The following GARIN1B variants were observed in gnomAD, a reference collection of about 807,000 sequenced individuals.
The protein encoded by GARIN1B is Golgi-associated RAB2 interactor protein 1B.
chr7:128,715,703 G>A, the GARIN1B span: 1 of 1,602,212 alleles, frequency 6.2e-7, no homozygotes, highest in Non-Finnish European at 8.6e-7. Flanking sequence ...ATTCTTGGGT[G>A]GCGCAGAATA....
the GARIN1B span, chr7:128,713,863 G>T: frequency 9.9e-6 from 8 of 807,842 alleles, no homozygotes; most frequent in Non-Finnish European, 9.6e-6. Flanking sequence ...CTTTAACTGT[G>T]AACAGCAACG....
chr7:128,713,138 C>T, the GARIN1B span, among the ~76,000 whole-genome samples: 2 of 151,984 alleles, frequency 1.3e-5, no homozygotes, highest in Non-Finnish European at 2.9e-5. Flanking sequence ...GAAACCCCAT[C>T]TCTACTAAAA....
At chr7:128,714,336 G>A in the GARIN1B span, among the ~76,000 whole-genome samples, 1 of 152,120 alleles carries the variant, frequency 6.6e-6, no homozygotes, top group Admixed American at 6.6e-5. Flanking sequence ...CAGCACTTTG[G>A]GAGGTCGAGG....
the GARIN1B span, chr7:128,726,751 C>T: frequency 6.5e-7 from 1 of 1,537,184 alleles, no homozygotes; most frequent in Admixed American, 1.7e-5. Context: ...AACTTTGGAA[C>T]AAGATCTGAA....
At chr7:128,714,492 C>T in the GARIN1B span, among the ~76,000 whole-genome samples, 1 of 151,876 alleles carries the variant, frequency 6.6e-6, no homozygotes, top group African/African-American at 2.4e-5. Context: ...GCAGGAGAAT[C>T]GCTTGAACTC....
the GARIN1B span, chr7:128,726,827 G>A: frequency 6.2e-7 from 1 of 1,613,970 alleles, no homozygotes; most frequent in South Asian, 1.1e-5. Context: ...AATGGCTCGA[G>A]TTTCAGGAGC....
At chr7:128,716,898 C>G in the GARIN1B span, 1 of 1,613,956 alleles carries the variant, frequency 6.2e-7, no homozygotes, top group Non-Finnish European at 8.5e-7. Flanking sequence ...CCCTGCCTGC[C>G]CCTCCCCAAC....
At chr7:128,719,003 A>G in the GARIN1B span, 32 of 1,614,080 alleles carry the variant, frequency 2.0e-5, no homozygotes, top group African/African-American at 2.7e-5. Flanking sequence ...GGGGCTGTCC[A>G]TCACCACCAA....
At chr7:128,723,187 C>T in the GARIN1B span, 4 of 1,595,800 alleles carry the variant, frequency 2.5e-6, no homozygotes, top group Non-Finnish European at 2.6e-6. Context: ...TGCTTTTTTT[C>T]TTCATATAGT....
chr7:128,711,985 G>A, the GARIN1B span, among the ~76,000 whole-genome samples: 1 of 152,152 alleles, frequency 6.6e-6, no homozygotes, highest in Non-Finnish European at 1.5e-5. Flanking sequence ...AGGTTGCAGT[G>A]AGCCAAGACC....
the GARIN1B span, among the ~76,000 whole-genome samples, chr7:128,709,750 C>CTGTCTTTTTT: frequency 1.3e-4 from 15 of 114,644 alleles, no homozygotes; most frequent in South Asian, 5.6e-4. Context: ...CTCTCTCTCT[C>CTGTCTTTTTT]TTTTTTTTTT....
At chr7:128,716,243 C>T in the GARIN1B span, among the ~76,000 whole-genome samples, 37 of 152,260 alleles carry the variant, frequency 2.4e-4, no homozygotes, top group African/African-American at 8.2e-4. Context: ...GGTGCACGTT[C>T]GTCTCCTTGC....
At chr7:128,715,136 C>A in the GARIN1B span, 1 of 410,994 alleles carries the variant, frequency 2.4e-6, no homozygotes, top group Non-Finnish European at 3.3e-6. Flanking sequence ...TTCCTGACAG[C>A]CCTCCTTGCT....
the GARIN1B span, among the ~76,000 whole-genome samples, chr7:128,716,371 G>A: frequency 1.3e-5 from 2 of 152,246 alleles, no homozygotes; most frequent in East Asian, 3.9e-4. Context: ...AGGACCAAGA[G>A]GATACATTTT....
the GARIN1B span, among the ~76,000 whole-genome samples, chr7:128,724,595 G>C: frequency 6.6e-6 from 1 of 152,136 alleles, no homozygotes; most frequent in Admixed American, 6.6e-5. Context: ...GACAGGAGTT[G>C]AGCGTACTTA....
the GARIN1B span, among the ~76,000 whole-genome samples, chr7:128,719,814 C>T: frequency 6.6e-6 from 1 of 150,956 alleles, no homozygotes. Context: ...ATTCTCCTGC[C>T]TCAGCCTCCC....
the GARIN1B span, chr7:128,719,000 T>A: frequency 6.2e-6 from 10 of 1,614,204 alleles, no homozygotes; most frequent in Non-Finnish European, 7.6e-6. Flanking sequence ...AAAGGGGCTG[T>A]CCATCACCAC....
the GARIN1B span, among the ~76,000 whole-genome samples, chr7:128,720,550 C>G: frequency 6.6e-6 from 1 of 152,114 alleles, no homozygotes; most frequent in Admixed American, 6.6e-5. Flanking sequence ...TCCAAAGTCA[C>G]AAAGATTTTA....
the GARIN1B span, among the ~76,000 whole-genome samples, chr7:128,717,867 G>A: frequency 6.6e-6 from 1 of 151,738 alleles, no homozygotes; most frequent in Non-Finnish European, 1.5e-5. Context: ...AAATTTTGGG[G>A]CCTCTTTAAA....
Sources: gnomAD v4.1 joint callset for allele counts (sites outside exome capture counted in the v4.1 genomes callset) on GRCh38, gnomAD v4.1.1 for gene constraint, MANE v1.5 for transcripts, NCBI Gene and HGNC (gene_info 2026-07-23, HGNC 2026-07-21) for gene names.